MEF2A: variants seen among roughly 807,000 people sequenced by gnomAD.
MEF2A encodes myocyte enhancer factor 2A.
A neutral mutation model predicts 55.8 loss-of-function variants in MEF2A; 28 were observed. The ratio of observed to expected loss-of-function variants is 0.50; its 90% CI spans 0.37 to 0.69. The LOEUF (loss-of-function observed/expected upper bound fraction) is 0.69, where lower values mean the gene tolerates loss of function less well. Among genes scored for constraint, MEF2A ranks in the 30% least tolerant of loss-of-function variants. The pLI is 0.00. For missense variants in MEF2A, 528 were observed against 626.2 expected, an observed-to-expected ratio of 0.84 and a Z score of 1.67; for synonymous variants, 239 against 227.1, an observed-to-expected ratio of 1.05 and a Z score of -0.47.
intron 4 of MEF2A, among the ~76,000 whole-genome samples, chr15:99,665,731 C>CAAAAAAAAAAAAAAAAAAAAA (rs752473261): frequency 3.4e-3 from 68 of 20,230 alleles, no homozygotes; most frequent in Non-Finnish European, 4.2e-3. Flanking sequence ...CTTAAATTTA[C>CAAAAAAAAAAAAAAAAAAAAA]AAAAAAAAAA....
intron 2 of MEF2A, among the ~76,000 whole-genome samples, chr15:99,610,508 A>T (rs1976852040): frequency 6.7e-6 from 1 of 148,906 alleles, no homozygotes; most frequent in Non-Finnish European, 1.5e-5. Context: ...CAATCTTTAA[A>T]AAGGATAAAG....
chr15:99,627,011 G>T (rs2042146726), intron 2 of MEF2A, among the ~76,000 whole-genome samples: 1 of 152,108 alleles, frequency 6.6e-6, no homozygotes, highest in Non-Finnish European at 1.5e-5. Context: ...AACTTAAAGT[G>T]AGATTAATTG....
chr15:99,708,512 G>A (rs999156087), intron 10 of MEF2A, among the ~76,000 whole-genome samples: 5 of 152,182 alleles, frequency 3.3e-5, no homozygotes, highest in South Asian at 2.1e-4. Flanking sequence ...ATCATCAGTC[G>A]CTTAGCGTCA....
At chr15:99,671,596 A>C in intron 5 of MEF2A, 142 bp downstream of exon 5, 1 of 1,603,198 alleles carries the variant, frequency 6.2e-7, no homozygotes, top group Middle Eastern at 1.7e-4. Flanking sequence ...CCACATACAG[A>C]AGAAAAATAT....
intron 4 of MEF2A, among the ~76,000 whole-genome samples, chr15:99,656,803 A>G (rs1462895120): frequency 6.6e-6 from 1 of 152,134 alleles, no homozygotes; most frequent in African/African-American, 2.4e-5. Context: ...CTTTTAAATG[A>G]GATATAATTC....
rs2058877143 is a variant in MEF2A, at chr15:99,713,646, G to C, written c.*875G>C. On this transcript the variant is annotated 3_prime_UTR_variant, in exon 12 of 12. Transcript: ENST00000557942. ...ATATAAAATTATATTCACTACTTTT[G>C]AACACATTCTGCTATGAATTATTTA... The C allele has an allele frequency of 6.6e-6, 1 of 151,984 alleles. No individual in the cohort carries two copies. The highest frequency in any genetic ancestry group is 1.5e-5 in the Non-Finnish European group (1 of 67,998). The allele number at this position is 151,984 out of a possible 1,614,324, so 9.4% of individuals were successfully genotyped here.
intron 3 of MEF2A, 145 bp from the exon 4 acceptor site, chr15:99,645,416 G>T: frequency 1.6e-6 from 1 of 614,798 alleles, no homozygotes; most frequent in Non-Finnish European, 2.9e-6. Flanking sequence ...AACAGGAGAG[G>T]GAAGGCTCAT....
chr15:99,584,664 C>T (rs1374725153), intron 1 of MEF2A, among the ~76,000 whole-genome samples: 2 of 152,214 alleles, frequency 1.3e-5, no homozygotes, highest in East Asian at 3.9e-4. Flanking sequence ...GTCCCACTGC[C>T]TGAGACTGAG....
intron 11 of MEF2A, among the ~76,000 whole-genome samples, chr15:99,711,608 G>A (rs2058650128): frequency 6.6e-6 from 1 of 152,168 alleles, no homozygotes; most frequent in Non-Finnish European, 1.5e-5. Flanking sequence ...TGGGCAGTAG[G>A]AATACCCCAG....
At chr15:99,587,822 G>T (rs1260781650) in intron 1 of MEF2A, among the ~76,000 whole-genome samples, 1 of 151,988 alleles carries the variant, frequency 6.6e-6, no homozygotes, top group Non-Finnish European at 1.5e-5. Flanking sequence ...CTTAGTTCCA[G>T]TTACTTTATT....
At chr15:99,633,586 C>G (rs1420464454) in intron 3 of MEF2A, among the ~76,000 whole-genome samples, 2 of 152,044 alleles carry the variant, frequency 1.3e-5, no homozygotes, top group African/African-American at 4.8e-5. Flanking sequence ...GTGTTCTAGT[C>G]AGTTAAATTT....
Position 99,673,869 on chromosome 15 carries a change from T to C in MEF2A, c.391-524T>C, listed in dbSNP as rs1193164132. Among the ~76,000 whole-genome samples the C allele has an allele frequency of 3.4e-5, 5 of 145,802 alleles. No individual in the cohort carries two copies. In the East Asian group the frequency reaches 8.0e-4, roughly 23 times the overall value. ...TATGTATATAATTACTTTTTTTTTT[T>C]CTTAGTTTTGCCCTTTAGAAAGTTA... is the stretch of plus-strand genomic sequence containing the variant. On this transcript the variant is annotated intron_variant, in intron 5 of 11. Transcript: ENST00000557942.
intron 10 of MEF2A, among the ~76,000 whole-genome samples, chr15:99,708,982 G>A (rs935276258): frequency 8.5e-5 from 13 of 152,184 alleles, no homozygotes; most frequent in African/African-American, 2.9e-4. Flanking sequence ...GAAACTGTCC[G>A]GAGAGCATTG....
intron 4 of MEF2A, among the ~76,000 whole-genome samples, chr15:99,668,663 TG>T (rs2050260145): frequency 3.3e-5 from 3 of 90,008 alleles, no homozygotes; most frequent in African/African-American, 4.8e-5. Context: ...TTTCACACTG[TG>T]TTTTCCTCAT....
chr15:99,638,302 G>A (rs1345765637), intron 3 of MEF2A, among the ~76,000 whole-genome samples: 2 of 151,454 alleles, frequency 1.3e-5, no homozygotes, highest in South Asian at 4.2e-4. Context: ...TTCTTTTGTT[G>A]CTTTAAAGCC....
chr15:99,602,057 C>T (rs1245765211), intron 2 of MEF2A, among the ~76,000 whole-genome samples: 2 of 152,048 alleles, frequency 1.3e-5, no homozygotes, highest in Admixed American at 1.3e-4. Context: ...AGTTCTTGCC[C>T]TCTCAGAAGA....
At chr15:99,668,044 T>C (rs1399579421) in intron 4 of MEF2A, among the ~76,000 whole-genome samples, 2 of 152,000 alleles carry the variant, frequency 1.3e-5, no homozygotes, top group African/African-American at 4.8e-5. Context: ...AGAAAGTACC[T>C]GAATTGGCCC....
At position 99,705,126 on chromosome 15, in the gene MEF2A, C is replaced by G. The variant is rs1001378631; in HGVS notation, c.883-1603C>G. 2.0e-5 allele frequency among the ~76,000 whole-genome samples: 3 copies of G among 152,196 alleles called. No individual in the cohort carries two copies. In the East Asian group the frequency reaches 5.8e-4, roughly 29 times the overall value. ...AGCTCTAAAGTATAATTGTGGATGA[C>G]TCTGATCCGAAGTGCAGAAGGACAG... is the stretch of plus-strand genomic sequence containing the variant. On this transcript the variant is annotated intron_variant, in intron 9 of 11. Coordinates refer to ENST00000557942, the MANE Select transcript of MEF2A (RefSeq NM_001319206.4).
chr15:99,706,960 T>A, intron 10 of MEF2A, 105 bp downstream of exon 10: 1 of 1,329,464 alleles, frequency 7.5e-7, no homozygotes, highest in Non-Finnish European at 1.0e-6. Flanking sequence ...ATAAACTATT[T>A]CCAGTTTTTT....
Sources: allele counts gnomAD v4.1 joint callset (sites outside exome capture counted in the v4.1 genomes callset), GRCh38; gene constraint gnomAD v4.1.1; transcripts MANE v1.5; gene names NCBI Gene and HGNC (gene_info 2026-07-23, HGNC 2026-07-21).